Variants in GPC5 observed in about 807,000 individuals in gnomAD.
GPC5 encodes glypican-5.
GPC5 carries 47 observed loss-of-function variants against 53.9 expected under a neutral mutation model. The observed-to-expected ratio is 0.87, with a 90% CI of 0.69 to 1.11. GPC5 has a LOEUF of 1.11. Ranked by LOEUF, GPC5 falls within the 50% of genes most tolerant of loss-of-function variation. GPC5 has a pLI of 0.00. For synonymous variants in GPC5, 286 were observed against 263.3 expected (o/e 1.09, Z -0.84); for missense variants, 748 against 713.1 (o/e 1.05, Z -0.56).
chr13:92,464,436 C>G (rs887154448), intron 7 of GPC5, among the ~76,000 whole-genome samples: 10 of 151,976 alleles, frequency 6.6e-5, no homozygotes, highest in African/African-American at 2.4e-4. Flanking sequence ...AAATAATAAA[C>G]TCCATATTTT....
intron 7 of GPC5, among the ~76,000 whole-genome samples, chr13:92,444,573 G>A (rs1877714267): frequency 6.6e-6 from 1 of 151,848 alleles, no homozygotes; most frequent in African/African-American, 2.4e-5. Context: ...CAAACCAAGT[G>A]GTAATACAAA....
chr13:92,477,994 T>A (rs547905287), intron 7 of GPC5, among the ~76,000 whole-genome samples: 1 of 152,302 alleles, frequency 6.6e-6, no homozygotes, highest in African/African-American at 2.4e-5. Context: ...TGTACTTCTC[T>A]TAAATATTTT....
intron 2 of GPC5, among the ~76,000 whole-genome samples, chr13:91,462,444 C>T (rs374581310): frequency 8.6e-5 from 13 of 152,014 alleles, no homozygotes; most frequent in African/African-American, 1.4e-4. Flanking sequence ...TGATAGAATA[C>T]GGCATAAAAT....
rs371350119 is a variant in GPC5, at chr13:91,750,062, C to T, written c.1155-6233C>T. The stretch of plus-strand genomic sequence containing the variant: ...TGACCTCAATTGATTCCGTCTGCCT[C>T]GGTCTCCCAAAGTGCTGGGATTGCA... On this transcript the variant is annotated intron_variant, in intron 4 of 7. Transcript: ENST00000377067. Among the ~76,000 whole-genome samples the T allele has an allele frequency of 1.4e-3, 207 of 152,262 alleles. 1 individual carries two copies. In the Middle Eastern group the frequency reaches 0.031, roughly 23 times the overall value.
chr13:92,128,188 T>C (rs1010230848), intron 6 of GPC5, among the ~76,000 whole-genome samples: 3 of 152,222 alleles, frequency 2.0e-5, no homozygotes, highest in African/African-American at 7.2e-5. Context: ...CATTCACTCC[T>C]ATATGGTTCT....
chr13:91,964,024 C>T (rs2040153447), intron 6 of GPC5, among the ~76,000 whole-genome samples: 2 of 152,066 alleles, frequency 1.3e-5, no homozygotes, highest in Non-Finnish European at 2.9e-5. Context: ...CTTGGTCTCG[C>T]CGACTTCAAG....
intron 7 of GPC5, among the ~76,000 whole-genome samples, chr13:92,591,944 GAGAGTCCACCCT>G (rs1173756206): frequency 6.6e-6 from 1 of 152,154 alleles, no homozygotes; most frequent in African/African-American, 2.4e-5. Flanking sequence ...CCATTGACCT[GAGAGTCCACCCT>G]TAACTCCAGC....
intron 2 of GPC5, among the ~76,000 whole-genome samples, chr13:91,531,393 A>T (rs559628615): frequency 4.6e-5 from 7 of 152,316 alleles, no homozygotes; most frequent in Non-Finnish European, 1.5e-5. Flanking sequence ...ATAAAAATTC[A>T]TGGCAAGCCT....
chr13:91,755,499 C>T (rs940790777), intron 4 of GPC5, among the ~76,000 whole-genome samples: 5 of 152,124 alleles, frequency 3.3e-5, no homozygotes, highest in Non-Finnish European at 5.9e-5. Context: ...AGGACTTGGC[C>T]TTGAAATGTT....
In GPC5 at chr13:91,521,829, G is replaced by A. The variant is rs1885832479; in HGVS notation, c.325+72907G>A. Among the ~76,000 whole-genome samples, 5 of 152,176 alleles carry A rather than the reference G, an allele frequency of 3.3e-5. No individual in the cohort carries two copies. In the South Asian group the frequency reaches 1.0e-3, roughly 32 times the overall value. On this transcript the variant is annotated intron_variant, in intron 2 of 7. Transcript: ENST00000377067. ...AAGACTGCCTCCCTCGACTTCAGAT[G>A]CCAGTTAAAAGCTCCAAGCTGTCTG...
intron 7 of GPC5, among the ~76,000 whole-genome samples, chr13:92,360,431 T>C (rs1426834762): frequency 3.3e-5 from 5 of 151,648 alleles, no homozygotes; most frequent in Admixed American, 6.6e-5. Flanking sequence ...TCAACATCAT[T>C]TCATGTAGCA....
intron 6 of GPC5, among the ~76,000 whole-genome samples, chr13:91,908,752 G>A (rs1254845264): frequency 1.3e-5 from 2 of 151,856 alleles, no homozygotes; most frequent in East Asian, 3.9e-4. Flanking sequence ...ATTGATGTTT[G>A]GGGTAAGAAA....
At chr13:91,447,224 A>T (rs1052374382) in intron 1 of GPC5, among the ~76,000 whole-genome samples, 3 of 152,182 alleles carry the variant, frequency 2.0e-5, no homozygotes, top group African/African-American at 7.2e-5. Context: ...ATGTTTATAT[A>T]CTTTAATATT....
chr13:92,719,170 C>G (rs969916361), intron 7 of GPC5, among the ~76,000 whole-genome samples: 1 of 149,438 alleles, frequency 6.7e-6, no homozygotes, highest in Non-Finnish European at 1.5e-5. Context: ...TCCTATAGCC[C>G]CCCCCCACAT....
At chr13:92,464,513 G>T (rs1373621574) in intron 7 of GPC5, among the ~76,000 whole-genome samples, 1 of 152,022 alleles carries the variant, frequency 6.6e-6, no homozygotes, top group East Asian at 1.9e-4. Context: ...AGAAAGAGAA[G>T]TTTCAATGAA....
intron 7 of GPC5, among the ~76,000 whole-genome samples, chr13:92,786,487 A>G (rs1487575093): frequency 6.6e-6 from 1 of 152,154 alleles, no homozygotes; most frequent in Non-Finnish European, 1.5e-5. Flanking sequence ...CATATCTGAA[A>G]AAAAGAGCCA....
intron 7 of GPC5, among the ~76,000 whole-genome samples, chr13:92,422,853 C>T (rs374433035): frequency 6.6e-6 from 1 of 152,238 alleles, no homozygotes; most frequent in African/African-American, 2.4e-5. Context: ...ATATGAGTCA[C>T]ACCATCAAAG....
At chr13:92,659,163 C>A (rs1222977449) in intron 7 of GPC5, 1 of 151,180 alleles carries the variant, frequency 6.6e-6, no homozygotes, top group Non-Finnish European at 1.5e-5. Flanking sequence ...CTCCTGACCT[C>A]GTGATCCGCC....
rs765582257 is a variant in GPC5 at position 92,047,442 on chromosome 13, A to ATAT, written c.1402-97387_1402-97386insATT. On this transcript the variant is annotated intron_variant, in intron 6 of 7. Transcript: ENST00000377067. ...CTTTCTTTTTAAACTATATATATAT[A>ATAT]TTTTTTTTTCCTTATTTCTATGATC... Among the ~76,000 whole-genome samples, 129 of 99,886 alleles carry ATAT rather than the reference A, an allele frequency of 1.3e-3. 1 individual carries two copies. The highest frequency in any genetic ancestry group is 2.8e-3 in the East Asian group (12 of 4,332). 65.5% of individuals were successfully genotyped at this position (99,886 alleles called of 152,430 possible). A position where few individuals can be genotyped will look rare whatever the true frequency, so the allele number is the denominator to read the frequency against.
Sources: allele counts gnomAD v4.1 joint callset (sites outside exome capture counted in the v4.1 genomes callset), GRCh38; gene constraint gnomAD v4.1.1; transcripts MANE v1.5; gene names NCBI Gene and HGNC (gene_info 2026-07-23, HGNC 2026-07-21).